SLC25A21: variants seen among roughly 807,000 people sequenced by gnomAD.
SLC25A21 encodes solute carrier family 25 member 21.
In SLC25A21, 47 loss-of-function variants were observed where a neutral mutation model predicts 43.8. That is an observed-to-expected ratio of 1.07 (90% confidence interval 0.85 to 1.37). The LOEUF (loss-of-function observed/expected upper bound fraction) is 1.37, where lower values mean the gene tolerates loss of function less well. Among genes scored for constraint, SLC25A21 ranks in the 40% most tolerant of loss-of-function variants. The pLI is 0.00. For synonymous variants in SLC25A21, 131 were observed against 121.3 expected (o/e 1.08, Z -0.52); for missense variants, 352 against 350.2 (o/e 1.00, Z -0.04).
intron 1 of SLC25A21, among the ~76,000 whole-genome samples, chr14:37,077,601 T>C (rs1165082577): frequency 6.6e-6 from 1 of 152,220 alleles, no homozygotes; most frequent in Non-Finnish European, 1.5e-5. Context: ...AAACATTGTA[T>C]CATTCTATTT....
At chr14:36,899,610 A>G (rs1891346034) in intron 1 of SLC25A21, among the ~76,000 whole-genome samples, 1 of 152,214 alleles carries the variant, frequency 6.6e-6, no homozygotes, top group Non-Finnish European at 1.5e-5. Flanking sequence ...GGGTTTGGGA[A>G]CATCAGTAAC....
chr14:36,851,745 A>T (rs1481968496), intron 2 of SLC25A21, among the ~76,000 whole-genome samples: 1 of 152,176 alleles, frequency 6.6e-6, no homozygotes, highest in African/African-American at 2.4e-5. Context: ...TAAAGACTTA[A>T]ATTTTAATGT....
intron 3 of SLC25A21, among the ~76,000 whole-genome samples, chr14:36,748,345 T>C (rs1006102794): frequency 6.6e-6 from 1 of 152,204 alleles, no homozygotes; most frequent in African/African-American, 2.4e-5. Flanking sequence ...CCAAGGTTTG[T>C]CATCTCTTTT....
intron 1 of SLC25A21, among the ~76,000 whole-genome samples, chr14:37,143,956 T>C (rs1955762): frequency 0.084 from 12,774 of 152,154 alleles, 1,459 homozygotes; most frequent in East Asian, 0.26. Flanking sequence ...TAGAATAAAA[T>C]GGGGGTTTTA....
At chr14:36,976,893 C>T (rs891468413) in intron 1 of SLC25A21, among the ~76,000 whole-genome samples, 27 of 152,230 alleles carry the variant, frequency 1.8e-4, no homozygotes, top group Non-Finnish European at 2.9e-5. Flanking sequence ...TGGCTGGACA[C>T]AAGTCCTTGG....
intron 2 of SLC25A21, chr14:36,870,984 G>T (rs1192012047): frequency 6.6e-6 from 1 of 152,156 alleles, no homozygotes; most frequent in African/African-American, 2.4e-5. Context: ...GACACGTGTG[G>T]TCAGAGCTCT....
Position 37,098,727 on chromosome 14 carries a change from A to G in SLC25A21, c.70+73554T>C, listed in dbSNP as rs1371398863. Among the ~76,000 whole-genome samples, 3 of 6,198 alleles carry G rather than the reference A, an allele frequency of 4.8e-4. No individual in the cohort carries two copies. In the Non-Finnish European group the frequency reaches 6.2e-3, roughly 13 times the overall value. 4.1% of individuals were successfully genotyped at this position (6,198 alleles called of 152,430 possible). On this transcript the variant is annotated intron_variant, in intron 1 of 9. Coordinates refer to ENST00000331299, the MANE Select transcript of SLC25A21 (RefSeq NM_030631.4). ...TAGATAGATAGATAGATAGATAGAT[A>G]GATAGATAGATAGATAGATAGACAG...
chr14:36,967,354 A>G (rs73256211), intron 1 of SLC25A21, among the ~76,000 whole-genome samples: 16,317 of 152,122 alleles, frequency 0.11, 2,421 homozygotes, highest in African/African-American at 0.33. Context: ...GATCTTGCCT[A>G]TGTTAGTCAT....
At chr14:36,745,334 T>C (rs1188120540) in intron 3 of SLC25A21, among the ~76,000 whole-genome samples, 2 of 152,172 alleles carry the variant, frequency 1.3e-5, no homozygotes, top group Non-Finnish European at 2.9e-5. Context: ...AGTAGCATGA[T>C]TTATAATCCT....
chr14:36,941,080 A>G (rs1329520956), intron 1 of SLC25A21, among the ~76,000 whole-genome samples: 1 of 152,130 alleles, frequency 6.6e-6, no homozygotes, highest in East Asian at 1.9e-4. Context: ...ATAGGTCCGG[A>G]AAGTTCCTGA....
At chr14:36,732,689 T>TGATGACA (rs960365544) in intron 4 of SLC25A21, among the ~76,000 whole-genome samples, 4 of 152,166 alleles carry the variant, frequency 2.6e-5, no homozygotes, top group African/African-American at 9.7e-5. Context: ...TTTTTTTCTT[T>TGATGACA]GATGACATAC....
intron 1 of SLC25A21, among the ~76,000 whole-genome samples, chr14:36,960,806 A>T (rs1959471411): frequency 1.3e-5 from 2 of 152,190 alleles, no homozygotes; most frequent in South Asian, 4.1e-4. Flanking sequence ...CCAAGGGAAC[A>T]CCTATCTAAA....
intron 2 of SLC25A21, among the ~76,000 whole-genome samples, chr14:36,827,026 C>T (rs28549849): frequency 0.023 from 3,498 of 152,320 alleles, 53 homozygotes; most frequent in Non-Finnish European, 0.037. Flanking sequence ...AAAAACACAG[C>T]TGACGCCAGC....
chr14:36,811,030 A>AG (rs1439075329), intron 3 of SLC25A21, among the ~76,000 whole-genome samples: 7 of 152,040 alleles, frequency 4.6e-5, no homozygotes, highest in Non-Finnish European at 7.4e-5. Flanking sequence ...GTTTGGGGAT[A>AG]GGGTCCTTCA....
At chr14:36,839,376 C>G (rs1157970677) in intron 2 of SLC25A21, among the ~76,000 whole-genome samples, 2 of 152,292 alleles carry the variant, frequency 1.3e-5, no homozygotes, top group African/African-American at 4.8e-5. Context: ...TGTGAACATA[C>G]CAGTTTCATT....
At chr14:37,029,758 CTTT>C (rs57538608) in intron 1 of SLC25A21, among the ~76,000 whole-genome samples, 15,229 of 105,416 alleles carry the variant, frequency 0.14, 813 homozygotes, top group African/African-American at 0.31. Flanking sequence ...TAATAGCCGA[CTTT>C]TTTTTTTTTT....
chr14:37,158,607 A>G (rs11852007), intron 1 of SLC25A21, among the ~76,000 whole-genome samples: 9,371 of 152,250 alleles, frequency 0.062, 458 homozygotes, highest in African/African-American at 0.13. Flanking sequence ...ATGTATGACA[A>G]ACTCATAGCT....
At chr14:36,854,042 A>G (rs991790667) in intron 2 of SLC25A21, among the ~76,000 whole-genome samples, 2 of 152,218 alleles carry the variant, frequency 1.3e-5, no homozygotes, top group African/African-American at 4.8e-5. Context: ...CAATATTTAA[A>G]GTTGGGATAG....
chr14:36,849,008 T>C (rs1889635766), intron 2 of SLC25A21, among the ~76,000 whole-genome samples: 1 of 152,164 alleles, frequency 6.6e-6, no homozygotes, highest in Non-Finnish European at 1.5e-5. Context: ...TTCTCTTAAT[T>C]CTGTGTTGTC....
Sources: gnomAD v4.1 joint callset for allele counts (sites outside exome capture counted in the v4.1 genomes callset) on GRCh38, gnomAD v4.1.1 for gene constraint, MANE v1.5 for transcripts, NCBI Gene and HGNC (gene_info 2026-07-23, HGNC 2026-07-21) for gene names.